Variants in MFF observed in about 807,000 individuals in gnomAD.
MFF encodes mitochondrial fission factor.
Under a neutral mutation model 36.9 loss-of-function variants are expected in MFF, and 12 were observed. The ratio of observed to expected loss-of-function variants is 0.33; its 90% CI spans 0.21 to 0.53. MFF has a LOEUF of 0.53. MFF is among the 20% of genes least tolerant of loss of function. The pLI is 0.95. For missense variants in MFF, 348 were observed against 366.6 expected, an observed-to-expected ratio of 0.95 and a Z score of 0.42; for synonymous variants, 99 against 126.2, an observed-to-expected ratio of 0.78 and a Z score of 1.44.
intron 6 of MFF, among the ~76,000 whole-genome samples, chr2:227,349,566 G>A (rs533021706): frequency 6.6e-6 from 1 of 152,032 alleles, no homozygotes; most frequent in South Asian, 2.1e-4. Flanking sequence ...GAGCTTGGAG[G>A]GTTAGATTCT....
intron 6 of MFF, among the ~76,000 whole-genome samples, chr2:227,348,236 T>A (rs11892173): frequency 0.72 from 110,094 of 152,050 alleles, 40,914 homozygotes; most frequent in South Asian, 0.84. Context: ...TAATAAATCC[T>A]GTTTCTTACC....
At chr2:227,342,147 A>G (rs963737638) in intron 5 of MFF, among the ~76,000 whole-genome samples, 13 of 151,912 alleles carry the variant, frequency 8.6e-5, no homozygotes, top group African/African-American at 3.1e-4. Context: ...TGAAAATCTC[A>G]TTTTTGATAG....
rs1559951427 is a variant in MFF at position 227,332,456 on chromosome 2, T to C, written c.219T>C (p.Asp73=). 12 of 1,613,494 alleles carry C rather than the reference T, an allele frequency of 7.4e-6. No individual in the cohort carries two copies. Among genetic ancestry groups the C allele is most frequent in the Non-Finnish European group, 1.0e-5 (12 of 1,179,712 alleles). ...ATGTTTCATTTTCAAGACCAGCAGA[T>C]CTTGACCTTATTCAGTCAACTCCCT... ...NEDVSFSRPA[D]LDLIQSTPFK... Residue 73 remains aspartate (D), a synonymous_variant, in exon 4 of 9, where the codon GAT becomes GAC. Coordinates refer to ENST00000304593, the MANE Select transcript of MFF (RefSeq NM_001277062.2).
intron 4 of MFF, among the ~76,000 whole-genome samples, chr2:227,335,002 C>T (rs1225266074): frequency 6.6e-6 from 1 of 151,968 alleles, no homozygotes; most frequent in Non-Finnish European, 1.5e-5. Context: ...GACCCTGTCT[C>T]TACTGAAAAT....
chr2:227,335,957 T>A (rs2074968857), intron 4 of MFF, among the ~76,000 whole-genome samples: 1 of 152,218 alleles, frequency 6.6e-6, no homozygotes, highest in Non-Finnish European at 1.5e-5. Flanking sequence ...GATCTGGGCA[T>A]GAAATACAAA....
chr2:227,332,279 A>G (rs1377955144), intron 3 of MFF, 140 bp from the exon 4 acceptor site: 3 of 680,382 alleles, frequency 4.4e-6, no homozygotes, highest in Non-Finnish European at 7.3e-6. Context: ...GCCTGGAAGC[A>G]TATTTTGAAA....
chr2:227,342,981 T>G (rs2075486385), intron 5 of MFF, among the ~76,000 whole-genome samples: 2 of 152,074 alleles, frequency 1.3e-5, no homozygotes. Context: ...ACTGTCATTA[T>G]ATGCTTTATT....
rs1392860007 is a variant in MFF, at chr2:227,332,010, C to T, written c.182-409C>T. 8.0e-5 allele frequency among the ~76,000 whole-genome samples: 9 copies of T among 112,246 alleles called. No homozygotes were observed. In the South Asian group the frequency reaches 1.3e-3, roughly 16 times the overall value. The allele number at this position is 112,246 out of a possible 152,430, so 73.6% of individuals were successfully genotyped here. ...TTTTTGAGACGGAGTCTCGCTCTGT[C>T]GCCCAGGCTGGAGTGCAGTGGCGGG... On this transcript the variant is annotated intron_variant, in intron 3 of 8. Transcript: ENST00000304593.
intron 5 of MFF, among the ~76,000 whole-genome samples, chr2:227,344,890 T>A (rs73994250): frequency 6.6e-6 from 1 of 152,136 alleles, no homozygotes; most frequent in African/African-American, 2.4e-5. Flanking sequence ...GAAATAAATA[T>A]CTTTACTAGT....
At chr2:227,328,121 A>G (rs909828092) in intron 1 of MFF, among the ~76,000 whole-genome samples, 17 of 152,262 alleles carry the variant, frequency 1.1e-4, no homozygotes, top group Middle Eastern at 3.4e-3. Context: ...CTGTAGTCCC[A>G]GCACTTTAGG....
intron 5 of MFF, among the ~76,000 whole-genome samples, chr2:227,345,860 T>C (rs1262900261): frequency 6.6e-6 from 1 of 152,174 alleles, no homozygotes; most frequent in African/African-American, 2.4e-5. Context: ...TTTGAGTTTA[T>C]CTTGACACCA....
chr2:227,326,068 C>T (rs1298711151), intron 1 of MFF, among the ~76,000 whole-genome samples: 1 of 152,038 alleles, frequency 6.6e-6, no homozygotes, highest in Non-Finnish European at 1.5e-5. Context: ...GTTCCTGTTC[C>T]GCCGAGCTTC....
chr2:227,340,791 A>G (rs145986125), intron 5 of MFF, among the ~76,000 whole-genome samples: 12 of 152,250 alleles, frequency 7.9e-5, no homozygotes, highest in African/African-American at 2.6e-4. Flanking sequence ...TTAAAAGACT[A>G]TTTGTTTAAA....
intron 5 of MFF, chr2:227,342,628 A>C: frequency 1.3e-6 from 1 of 743,894 alleles, no homozygotes; most frequent in South Asian, 1.8e-5. Context: ...CGAAGAGGCA[A>C]TAAGATTGTG....
intron 4 of MFF, among the ~76,000 whole-genome samples, chr2:227,336,975 C>T (rs1400590869): frequency 2.0e-5 from 3 of 152,212 alleles, no homozygotes; most frequent in Non-Finnish European, 4.4e-5. Context: ...TCAAGAACTT[C>T]ATGAATATGG....
intron 6 of MFF, among the ~76,000 whole-genome samples, chr2:227,347,763 C>T (rs2075789069): frequency 6.6e-6 from 1 of 152,184 alleles, no homozygotes; most frequent in Admixed American, 6.5e-5. Context: ...ATTTATGCTG[C>T]TGATATGATT....
intron 2 of MFF, chr2:227,329,453 T>G (rs1354004776): frequency 1.3e-5 from 4 of 314,328 alleles, no homozygotes; most frequent in Non-Finnish European, 2.4e-5. Context: ...AGAAAAACTC[T>G]TCTTAGGATA....
In MFF at chr2:227,330,705, A is replaced by G. The variant is rs1439736657; in HGVS notation, c.40A>G (p.Thr14Ala). The G allele has an allele frequency of 8.7e-6, 14 of 1,614,096 alleles. No individual in the cohort carries two copies. Among genetic ancestry groups the G allele is most frequent in the Non-Finnish European group, 1.1e-5 (13 of 1,180,028 alleles). Residue 14 changes from threonine (T) to alanine (A), a missense_variant, in exon 3 of 9, where the codon ACT becomes GCT. Transcript: ENST00000304593. Reference sequence around the variant, plus strand: ...TCGAATTCAGTACGAAATGGAATATACTGAAGGCATTAGTCAGCGAATGAG... The same window carrying G: ...TCGAATTCAGTACGAAATGGAATATGCTGAAGGCATTAGTCAGCGAATGAG... ...ISRIQYEMEYTEGISQRMRVP... is the reference protein window; with the variant it reads ...ISRIQYEMEYAEGISQRMRVP...
chr2:227,351,461 G>C (rs1202492037), intron 6 of MFF, among the ~76,000 whole-genome samples: 1 of 151,992 alleles, frequency 6.6e-6, no homozygotes, highest in African/African-American at 2.4e-5. Context: ...TAGTGCATTT[G>C]GTATTAAACA....
Sources: gnomAD v4.1 joint callset for allele counts (sites outside exome capture counted in the v4.1 genomes callset) on GRCh38, gnomAD v4.1.1 for gene constraint, MANE v1.5 for transcripts, NCBI Gene and HGNC (gene_info 2026-07-23, HGNC 2026-07-21) for gene names.